AP2A2: variants seen among roughly 807,000 people sequenced by gnomAD.
AP2A2 encodes adaptor related protein complex 2 subunit alpha 2.
AP2A2 carries 32 observed loss-of-function variants against 104.2 expected under a neutral mutation model. That is an observed-to-expected ratio of 0.31 (90% CI 0.23 to 0.41). The LOEUF is 0.41. Ranked by LOEUF, AP2A2 falls within the 10% of genes least tolerant of loss-of-function variation. AP2A2 has a pLI of 1.00. For synonymous variants in AP2A2, 539 were observed against 533.3 expected, an observed-to-expected ratio of 1.01 and a Z score of -0.15; for missense variants, 912 against 1,261.0, an observed-to-expected ratio of 0.72 and a Z score of 4.19.
intron 1 of AP2A2, among the ~76,000 whole-genome samples, chr11:952,860 C>T (rs906260557): frequency 9.2e-5 from 14 of 152,142 alleles, no homozygotes; most frequent in South Asian, 2.1e-4. Flanking sequence ...GTTCCCGGCA[C>T]GGTGGGGTGG....
At chr11:994,387 T>C in intron 14 of AP2A2, 142 bp downstream of exon 14, 1 of 1,078,434 alleles carries the variant, frequency 9.3e-7, no homozygotes, top group Non-Finnish European at 1.3e-6. Flanking sequence ...CCCGCTGTCC[T>C]GTCCTGGGGG....
intron 5 of AP2A2, among the ~76,000 whole-genome samples, chr11:980,638 G>GA (rs1855205065): frequency 6.6e-6 from 1 of 152,248 alleles, no homozygotes. Context: ...GAGGAGCGGG[G>GA]AGGGAGGACT....
chr11:981,171 G>T, intron 5 of AP2A2, 27 bp from the exon 6 acceptor site: 2 of 1,579,214 alleles, frequency 1.3e-6, no homozygotes, highest in South Asian at 1.1e-5. Context: ...CAAGTGTTCT[G>T]ACTCTTGTGT....
chr11:977,563 G>T (rs1018512758), intron 5 of AP2A2, among the ~76,000 whole-genome samples: 1 of 150,744 alleles, frequency 6.6e-6, no homozygotes, highest in African/African-American at 2.4e-5. Context: ...AGGCTCTAAC[G>T]TGCAGTCTTA....
At chr11:931,805 T>G (rs1035742145) in intron 1 of AP2A2, among the ~76,000 whole-genome samples, 4 of 139,130 alleles carry the variant, frequency 2.9e-5, no homozygotes, top group African/African-American at 1.3e-4. Context: ...ATTTCTTGTT[T>G]TTTTTTTTTT....
At chr11:1,008,428 G>GC in intron 18 of AP2A2, 1 of 373,210 alleles carries the variant, frequency 2.7e-6, no homozygotes, top group Admixed American at 4.3e-5. Flanking sequence ...GACAGCCAGG[G>GC]CCCCCGCGCC....
Position 997,340 on chromosome 11 carries a change from C to G in AP2A2, c.1957-3092C>G, listed in dbSNP as rs150720813. ...GCTGCCTGGCTTCACATGCAGGAGC[C>G]TGGGGCCCTTGTAGGCAAAACCTTC... On this transcript the variant is annotated intron_variant, in intron 14 of 21. Transcript: ENST00000448903. 8.3e-3 allele frequency among the ~76,000 whole-genome samples: 1,260 copies of G among 152,280 alleles called. 14 individuals are homozygous for G. Among genetic ancestry groups the G allele is most frequent in the African/African-American group, 0.028 (1,150 of 41,558 alleles).
chr11:1,009,989 C>G (rs970855786), intron 21 of AP2A2, 172 bp downstream of exon 21: 2 of 740,094 alleles, frequency 2.7e-6, no homozygotes, highest in South Asian at 3.7e-5. Flanking sequence ...AGCTGGCCAC[C>G]GTGGAGCATC....
intron 5 of AP2A2, among the ~76,000 whole-genome samples, chr11:980,586 G>A (rs1027468789): frequency 6.6e-6 from 1 of 152,162 alleles, no homozygotes; most frequent in Admixed American, 6.6e-5. Context: ...GGGGAGGACT[G>A]CTTGTGCCCT....
At chr11:963,622 CAATT>C (rs1470553685) in intron 2 of AP2A2, among the ~76,000 whole-genome samples, 1 of 152,104 alleles carries the variant, frequency 6.6e-6, no homozygotes, top group Non-Finnish European at 1.5e-5. Flanking sequence ...AACAGTTGAT[CAATT>C]GATTGATCTA....
At chr11:945,438 A>G (rs1329846019) in intron 1 of AP2A2, among the ~76,000 whole-genome samples, 1 of 152,160 alleles carries the variant, frequency 6.6e-6, no homozygotes, top group African/African-American at 2.4e-5. Context: ...GGTTCAAGCG[A>G]TTCTCCTGCC....
intron 1 of AP2A2, among the ~76,000 whole-genome samples, chr11:940,470 C>T (rs1004503521): frequency 3.4e-5 from 5 of 149,228 alleles, no homozygotes; most frequent in African/African-American, 9.9e-5. Flanking sequence ...CTGCCTTTCG[C>T]GTTCTGTTTC....
At position 968,692 on chromosome 11, in the gene AP2A2, C is replaced by A. The variant is rs1351757104; in HGVS notation, c.137-1477C>A. ...AGTGGAGGATCTCTGCTGCGCAGCC[C>A]GTGCTCAGCTGTGTGTGCCCTCCTG... On this transcript the variant is annotated intron_variant, in intron 2 of 21. Coordinates refer to ENST00000448903, the MANE Select transcript of AP2A2 (RefSeq NM_012305.4). This position sits in a 1 kb window ranked among gnomAD's most constrained non-coding sequence, Gnocchi z 4.2. Among the ~76,000 whole-genome samples, 1 of 151,446 alleles carries A rather than the reference C, an allele frequency of 6.6e-6. No homozygotes were observed.
At chr11:940,415 A>G (rs1359422549) in intron 1 of AP2A2, among the ~76,000 whole-genome samples, 4 of 151,958 alleles carry the variant, frequency 2.6e-5, no homozygotes, top group African/African-American at 7.3e-5. Flanking sequence ...GTATTTCTCT[A>G]TGGTAGTTGA....
chr11:963,977 C>T (rs781710043), intron 2 of AP2A2, among the ~76,000 whole-genome samples: 7 of 152,194 alleles, frequency 4.6e-5, no homozygotes, highest in East Asian at 3.9e-4. Context: ...GTTAAACAAC[C>T]GAAGTGCATA....
At chr11:943,486 G>A (rs1476368304) in intron 1 of AP2A2, among the ~76,000 whole-genome samples, 2 of 152,210 alleles carry the variant, frequency 1.3e-5, no homozygotes, top group African/African-American at 4.8e-5. Context: ...CTGTCTGCTT[G>A]TGGATTTCAT....
chr11:935,201 G>A (rs755741983), intron 1 of AP2A2, among the ~76,000 whole-genome samples: 3 of 151,932 alleles, frequency 2.0e-5, no homozygotes, highest in South Asian at 2.1e-4. Flanking sequence ...CTACAGATGC[G>A]CGCACCACCA....
intron 4 of AP2A2, among the ~76,000 whole-genome samples, chr11:974,429 A>G (rs1259199353): frequency 6.6e-6 from 1 of 152,228 alleles, no homozygotes; most frequent in African/African-American, 2.4e-5. Context: ...TCACGCATGT[A>G]ATCCCAGCAC....
At chr11:981,389 A>G in intron 6 of AP2A2, 90 bp downstream of exon 6, 1 of 1,171,958 alleles carries the variant, frequency 8.5e-7, no homozygotes, top group Middle Eastern at 2.1e-4. Context: ...AAGGTATTTG[A>G]TCAGTTTATA....
Sources: gnomAD v4.1 joint callset for allele counts (sites outside exome capture counted in the v4.1 genomes callset) on GRCh38, gnomAD v4.1.1 for gene constraint, Gnocchi (gnomAD v3.1) non-coding constraint, MANE v1.5 for transcripts, NCBI Gene and HGNC (gene_info 2026-07-23, HGNC 2026-07-21) for gene names.